The following SPATA31D1 variants were observed in gnomAD, a reference collection of about 807,000 sequenced individuals.
SPATA31D1 encodes the protein SPATA31 subfamily D member 1, also known as spermatogenesis-associated protein 31D1.
Under a neutral mutation model 13.2 loss-of-function variants are expected in SPATA31D1, and 6 were observed. That is an observed-to-expected ratio of 0.46 (90% CI 0.25 to 0.90). The LOEUF is 0.90. Among genes scored for constraint, SPATA31D1 ranks in the 40% least tolerant of loss-of-function variants. SPATA31D1 has a pLI of 0.18. For synonymous variants in SPATA31D1, 903 were observed against 718.8 expected (o/e 1.26, Z -4.10); for missense variants, 2,445 against 1,884.7 (o/e 1.30, Z -5.50).
Position 81,993,668 on chromosome 9 carries a change from A to G in SPATA31D1, c.3198A>G (p.Arg1066=), listed in dbSNP as rs757155959. 18 of 1,613,952 alleles carry G rather than the reference A, an allele frequency of 1.1e-5. No individual in the cohort carries two copies. Among genetic ancestry groups the G allele is most frequent in the Non-Finnish European group, 1.5e-5 (18 of 1,179,908 alleles). The part of the protein sequence containing the change: ...VNQEKQGTLR[R]EFSDTDNDLT... ...AAGAAAAGCAGGGGACCCTGAGAAG[A>G]GAATTCTCTGATACTGACAATGATC... Residue 1066 remains arginine (R), a synonymous_variant, in exon 4 of 4, where the codon AGA becomes AGG. Transcript: ENST00000344803.
Position 81,993,160 on chromosome 9 carries a change from C to G in SPATA31D1, c.2690C>G (p.Ser897Cys). ...TCCCAGGAAATTTCCTTCCTTAGTTCCAACAAACAAAAGATGTTGGAAGCC... is the reference window on the plus strand; with the variant it reads ...TCCCAGGAAATTTCCTTCCTTAGTTGCAACAAACAAAAGATGTTGGAAGCC... ...DTSQEISFLS[S>C]NKQKMLEAHI... Residue 897 changes from serine to cysteine, a missense_variant, in exon 4 of 4, where the codon TCC (serine) becomes TGC (cysteine). Coordinates refer to ENST00000344803, the MANE Select transcript of SPATA31D1 (RefSeq NM_001001670.3). 6.2e-7 allele frequency: 1 copy of G among 1,613,962 alleles called. No individual in the cohort carries two copies. The highest frequency in any genetic ancestry group is 1.6e-4 in the Middle Eastern group (1 of 6,062).
In SPATA31D1 at chr9:81,991,609, T is replaced by A; in HGVS notation, c.1139T>A (p.Leu380His). Residue 380 changes from leucine to histidine, a missense_variant, in exon 4 of 4, where the codon CTT becomes CAT. Leu to His is a moderately conservative substitution (Grantham distance 99). Transcript: ENST00000344803. ...GTGCCATCTGATTTCATGGAGGAGC[T>A]TCTTACCCTTCATTCTTCTGAGGCC... The part of the protein sequence containing the change: ...NFVPSDFMEE[L>H]LTLHSSEAFL... 1 of 1,613,992 alleles carries A rather than the reference T, an allele frequency of 6.2e-7. No homozygotes were observed. The highest frequency in any genetic ancestry group is 1.6e-4 in the Middle Eastern group (1 of 6,062).
chr9:81,992,186 C>T lies in SPATA31D1; in HGVS notation c.1716C>T (p.Ser572=), dbSNP rs115924692. 1.3e-3 allele frequency: 2,137 copies of T among 1,613,712 alleles called. 23 individuals are homozygous for T. The African/African-American group carries it at 0.026, about 19-fold the overall frequency. Residue 572 remains serine (S), a synonymous_variant, in exon 4 of 4, where the codon TCC becomes TCT. Coordinates refer to ENST00000344803, the MANE Select transcript of SPATA31D1 (RefSeq NM_001001670.3). ...PLPQTLPQGQ[S]PHLTQVKSLA... is the part of the protein sequence containing the mutation. ...CTCAAACCCTGCCCCAAGGTCAGTC[C>T]CCACATCTCACTCAGGTGAAGTCCC... is the stretch of plus-strand genomic sequence containing the variant.
In SPATA31D1 at chr9:81,994,424, A is replaced by T. The variant is rs1825051579; in HGVS notation, c.3954A>T (p.Arg1318Ser). The T allele has an allele frequency of 1.2e-6, 2 of 1,613,668 alleles. No individual in the cohort carries two copies. Among genetic ancestry groups the T allele is most frequent in the Admixed American group, 1.7e-5 (1 of 59,954 alleles). The change falls in exon 4 of 4, where the codon AGA becomes AGT. Residue 1318 changes from arginine to serine, a missense_variant. Transcript: ENST00000344803. ...GGCTGGGGACATCCCAACGCAGGAG[A>T]AAGAGCCTCCCTGTTCATAACAAGA... The part of the protein sequence containing the change: ...DAGLGTSQRR[R>S]KSLPVHNKTS...
At position 81,991,499 on chromosome 9, in the gene SPATA31D1, C is replaced by G. The variant is rs528626632; in HGVS notation, c.1029C>G (p.Ile343Met). 39 of 1,613,664 alleles carry G rather than the reference C, an allele frequency of 2.4e-5. No individual in the cohort carries two copies. Among genetic ancestry groups the G allele is most frequent in the Middle Eastern group, 1.6e-4 (1 of 6,084 alleles). The change falls in exon 4 of 4, where the codon ATC becomes ATG. Residue 343 changes from isoleucine to methionine, a missense_variant. Coordinates refer to ENST00000344803, the MANE Select transcript of SPATA31D1 (RefSeq NM_001001670.3). The part of the protein sequence containing the change: ...SGGSSTSAPT[I>M]KGIDHSHLAS... ...GGTCATCCACCTCTGCCCCAACAATCAAAGGCATTGACCATTCACACCTTG... is the reference window on the plus strand; with the variant it reads ...GGTCATCCACCTCTGCCCCAACAATGAAAGGCATTGACCATTCACACCTTG...
chr9:81,990,955 C>T lies in SPATA31D1; in HGVS notation c.485C>T (p.Ser162Leu), dbSNP rs776658069. ...AAPSVSPLAS[S>L]ASATESSFTL... ...CCCTCTGTGTCCCCTTTGGCTTCTT[C>T]GGCTTCTGCGACTGAGTCATCGTTC... Residue 162 changes from serine (S) to leucine (L), a missense_variant, in exon 4 of 4, where the codon TCG becomes TTG. By Grantham distance (145) the Ser-to-Leu change is moderately radical. Coordinates refer to ENST00000344803, the MANE Select transcript of SPATA31D1 (RefSeq NM_001001670.3). 1.1e-5 allele frequency: 18 copies of T among 1,613,780 alleles called. No homozygotes were observed. Among genetic ancestry groups the T allele is most frequent in the Admixed American group, 5.0e-5 (3 of 59,990 alleles).
rs765851077 is a variant in SPATA31D1 at position 81,992,044 on chromosome 9, A to T, written c.1574A>T (p.His525Leu). 1.2e-6 allele frequency: 2 copies of T among 1,613,644 alleles called. No individual in the cohort carries two copies. The highest frequency in any genetic ancestry group is 8.5e-7 in the Non-Finnish European group (1 of 1,179,724). ...CCTACTGTTCTTGTCCAACGTGGCC[A>T]TTCCTCCATGTTTGTATTCTTCAAT... ...LHPTVLVQRG[H>L]SSMFVFFNGI... Residue 525 changes from histidine (H) to leucine (L), a missense_variant, in exon 4 of 4, where the codon CAT becomes CTT. Coordinates refer to ENST00000344803, the MANE Select transcript of SPATA31D1 (RefSeq NM_001001670.3).
chr9:81,994,128 A>C lies in SPATA31D1; in HGVS notation c.3658A>C (p.Ser1220Arg), dbSNP rs1825043651. 14 of 1,614,002 alleles carry C rather than the reference A, an allele frequency of 8.7e-6. No homozygotes were observed. In the East Asian group the frequency reaches 3.1e-4, roughly 36 times the overall value. The change falls in exon 4 of 4, where the codon AGC becomes CGC. Residue 1220 changes from serine (S) to arginine (R), a missense_variant. By Grantham distance (110) the Ser-to-Arg change is moderately radical. Transcript: ENST00000344803. Reference sequence around the variant, plus strand: ...CCAGAGGAAGCATAGCCAACCTCAGAGCCATTTCACTGACATGTCTTTTGC... The same window carrying C: ...CCAGAGGAAGCATAGCCAACCTCAGCGCCATTTCACTGACATGTCTTTTGC... ...LVQRKHSQPQ[S>R]HFTDMSFALD...
At chr9:81,990,032 T>A (rs766840266) in intron 2 of SPATA31D1, 10 of 587,516 alleles carry the variant, frequency 1.7e-5, no homozygotes, top group Middle Eastern at 4.7e-4. Flanking sequence ...GACAAAGTGA[T>A]GGACCTGAGC....
chr9:81,994,557 A>G lies in SPATA31D1; in HGVS notation c.4087A>G (p.Lys1363Glu). 1 of 1,613,290 alleles carries G rather than the reference A, an allele frequency of 6.2e-7. No individual in the cohort carries two copies. The highest frequency in any genetic ancestry group is 8.5e-7 in the Non-Finnish European group (1 of 1,179,514). ...GAAGACCTCTTTGCAGTGGTTTAAT[A>G]AACCCAGCATATCATATGAAGAACA... Reference protein sequence around the residue: ...WMKTSLQWFNKPSISYEEQES... With the variant: ...WMKTSLQWFNEPSISYEEQES... Residue 1363 changes from lysine to glutamate, a missense_variant, in exon 4 of 4, where the codon AAA becomes GAA. Physicochemically the swap from Lys to Glu is moderately conservative, Grantham distance 56. Transcript: ENST00000344803.
In SPATA31D1 at chr9:81,995,054, C is replaced by T. The variant is rs762081993; in HGVS notation, c.4584C>T (p.Asn1528=). The T allele has an allele frequency of 4.3e-6, 7 of 1,613,762 alleles. No homozygotes were observed. ...ACAGGAAGCCTGTGCCACATCCAAA[C>T]CCCACTTGCCGGCGTCAGGTCAGCC... ...MPHRKPVPHP[N]PTCRRQVSLV... Residue 1528 remains asparagine (N), a synonymous_variant, in exon 4 of 4, where the codon AAC becomes AAT. Transcript: ENST00000344803.
chr9:81,988,167 C>T (rs1411991608), upstream of SPATA31D1, among the ~76,000 whole-genome samples: 1 of 152,162 alleles, frequency 6.6e-6, no homozygotes, highest in Non-Finnish European at 1.5e-5. Context: ...ACAATAAAAA[C>T]CTTCTTTTCT....
chr9:81,992,995 A>G lies in SPATA31D1; in HGVS notation c.2525A>G (p.Asn842Ser), dbSNP rs770185961. ...VRLSKKFEEI[N>S]EGRMPGTVHS... is the part of the protein sequence containing the mutation. ...TTGAGCAAGAAATTTGAGGAAATCA[A>G]TGAGGGTCGAATGCCTGGGACTGTG... is the stretch of plus-strand genomic sequence containing the variant. Residue 842 changes from asparagine to serine, a missense_variant, in exon 4 of 4, where the codon AAT becomes AGT. By Grantham distance (46) the Asn-to-Ser change is conservative. Transcript: ENST00000344803. 1.2e-6 allele frequency: 2 copies of G among 1,613,786 alleles called. No individual in the cohort carries two copies. The highest frequency in any genetic ancestry group is 1.7e-6 in the Non-Finnish European group (2 of 1,179,720).
Position 81,993,609 on chromosome 9 carries a change from G to T in SPATA31D1, c.3139G>T (p.Gly1047Cys). The T allele has an allele frequency of 1.2e-6, 2 of 1,613,822 alleles. No homozygotes were observed. The highest frequency in any genetic ancestry group is 1.7e-6 in the Non-Finnish European group (2 of 1,179,838). ...LDSTSSFPIL[G>C]HSYLVTSPVN... ...TTCAACAAGCTCATTCCCCATCCTC[G>T]GTCATTCTTACCTTGTCACTTCACC... is the stretch of plus-strand genomic sequence containing the variant. The change falls in exon 4 of 4, where the codon GGT (glycine) becomes TGT (cysteine). Residue 1047 changes from glycine to cysteine, a missense_variant. Physicochemically the swap from Gly to Cys is radical, Grantham distance 159 (BLOSUM62 -3). Coordinates refer to ENST00000344803, the MANE Select transcript of SPATA31D1 (RefSeq NM_001001670.3).
rs767131278 is a variant in SPATA31D1 at position 81,991,426 on chromosome 9, C to A, written c.956C>A (p.Thr319Asn). Residue 319 changes from threonine (T) to asparagine (N), a missense_variant, in exon 4 of 4, where the codon ACC (threonine) becomes AAC (asparagine). Transcript: ENST00000344803. Reference sequence around the variant, plus strand: ...GTGACTCAGTCTAAATCAAGTCTCACCATCTTGAAGACTTTTCCGGAAATG... The same window carrying A: ...GTGACTCAGTCTAAATCAAGTCTCAACATCTTGAAGACTTTTCCGGAAATG... ...CTVTQSKSSL[T>N]ILKTFPEMLS... is the part of the protein sequence containing the mutation. 64 of 1,613,938 alleles carry A rather than the reference C, an allele frequency of 4.0e-5. No individual in the cohort carries two copies. The highest frequency in any genetic ancestry group is 5.3e-5 in the Non-Finnish European group (63 of 1,179,912).
In SPATA31D1 at chr9:81,993,738, C is replaced by A; in HGVS notation, c.3268C>A (p.Leu1090Met). The A allele has an allele frequency of 6.2e-7, 1 of 1,614,008 alleles. No individual in the cohort carries two copies. Reference sequence around the variant, plus strand: ...AACAGAGGATGGCAGACAGACTTTTCTGCCCCCGCCACACAGCATCGTAGA... The same window carrying A: ...AACAGAGGATGGCAGACAGACTTTTATGCCCCCGCCACACAGCATCGTAGA... The part of the protein sequence containing the change: ...RTTEDGRQTF[L>M]PPPHSIVDEV... Residue 1090 changes from leucine to methionine, a missense_variant, in exon 4 of 4, where the codon CTG (leucine) becomes ATG (methionine). By Grantham distance (15) the Leu-to-Met change is conservative (BLOSUM62 2). Transcript: ENST00000344803.
At position 81,994,573 on chromosome 9, in the gene SPATA31D1, A is replaced by G. The variant is rs1422986374; in HGVS notation, c.4103A>G (p.Tyr1368Cys). 6.2e-7 allele frequency: 1 copy of G among 1,613,088 alleles called. No individual in the cohort carries two copies. Among genetic ancestry groups the G allele is most frequent in the South Asian group, 1.1e-5 (1 of 90,852 alleles). Reference sequence around the variant, plus strand: ...TGGTTTAATAAACCCAGCATATCATATGAAGAACAAGAAAGTTCCTGGGAA... The same window carrying G: ...TGGTTTAATAAACCCAGCATATCATGTGAAGAACAAGAAAGTTCCTGGGAA... The part of the protein sequence containing the change: ...LQWFNKPSIS[Y>C]EEQESSWEKG... Residue 1368 changes from tyrosine to cysteine, a missense_variant, in exon 4 of 4, where the codon TAT (tyrosine) becomes TGT (cysteine). Transcript: ENST00000344803.
rs369817642 is a variant in SPATA31D1 at position 81,991,045 on chromosome 9, C to T, written c.575C>T (p.Ala192Val). The T allele has an allele frequency of 1.1e-5, 18 of 1,613,620 alleles. No homozygotes were observed. In the African/African-American group the frequency reaches 2.3e-4, roughly 20 times the overall value. The change falls in exon 4 of 4, where the codon GCC becomes GTC. Residue 192 changes from alanine (A) to valine (V), a missense_variant. Ala to Val is a moderately conservative substitution (Grantham distance 64, BLOSUM62 0). Coordinates refer to ENST00000344803, the MANE Select transcript of SPATA31D1 (RefSeq NM_001001670.3). Reference protein sequence around the residue: ...EDLILSPRPKASPPPPLILSP... With the variant: ...EDLILSPRPKVSPPPPLILSP... The stretch of plus-strand genomic sequence containing the variant: ...CTAATACTGTCCCCTCGGCCTAAGG[C>T]CTCTCCACCACCCCCCTTAATTCTC...
intron 1 of SPATA31D1, among the ~76,000 whole-genome samples, chr9:81,989,406 G>A (rs972663555): frequency 6.6e-6 from 1 of 152,134 alleles, no homozygotes; most frequent in Non-Finnish European, 1.5e-5. Context: ...CTTCGTGTTG[G>A]GCTGACCAGA....
Sources: gnomAD v4.1 joint callset for allele counts (sites outside exome capture counted in the v4.1 genomes callset) on GRCh38, gnomAD v4.1.1 for gene constraint, MANE v1.5 for transcripts, NCBI Gene and HGNC (gene_info 2026-07-23, HGNC 2026-07-21) for gene names.